Variants in DNAH5 observed in about 807,000 individuals in gnomAD.
DNAH5 encodes the protein dynein axonemal heavy chain 5, also known as axonemal beta dynein heavy chain 5.
A neutral mutation model predicts 518.2 loss-of-function variants in DNAH5; 372 were observed. That is an observed-to-expected ratio of 0.72 (90% CI 0.66 to 0.78). The LOEUF (loss-of-function observed/expected upper bound fraction) is 0.78, where lower values mean the gene tolerates loss of function less well. DNAH5 is among the 30% of genes least tolerant of loss of function. The probability of loss-of-function intolerance (pLI) is 0.00; values close to 1 mark genes in which losing one functional copy is unlikely to be tolerated. For synonymous variants in DNAH5, 2,039 were observed against 2,025.9 expected, an observed-to-expected ratio of 1.01 and a Z score of -0.17; for missense variants, 5,523 against 5,687.0, an observed-to-expected ratio of 0.97 and a Z score of 0.93.
chr5:13,923,184 T>C lies in DNAH5; in HGVS notation c.438+96A>G, dbSNP rs113684600. On this transcript the variant is annotated intron_variant, in intron 4 of 78. Coordinates refer to ENST00000265104, the MANE Select transcript of DNAH5 (RefSeq NM_001369.3). ...TCTCTGAAAGTAGTTTTAGATACTGTAGTGAATACAATGATTGTCTCCACC... is the reference window on the plus strand; with the variant it reads ...TCTCTGAAAGTAGTTTTAGATACTGCAGTGAATACAATGATTGTCTCCACC... The C allele has an allele frequency of 2.4e-4, 350 of 1,488,072 alleles. 3 individuals are homozygous for C. In the African/African-American group the frequency reaches 4.2e-3, roughly 18 times the overall value. The allele number at this position is 1,488,072 out of a possible 1,614,324, so 92.2% of individuals were successfully genotyped here.
At chr5:13,708,836 A>G (rs1170798395) in intron 75 of DNAH5, among the ~76,000 whole-genome samples, 1 of 152,214 alleles carries the variant, frequency 6.6e-6, no homozygotes. Flanking sequence ...ATTTATTGAG[A>G]GTCTTCTATG....
chr5:13,784,135 TTAACA>T (rs1755616366), intron 52 of DNAH5, among the ~76,000 whole-genome samples: 1 of 152,164 alleles, frequency 6.6e-6, no homozygotes, highest in Non-Finnish European at 1.5e-5. Flanking sequence ...AGCACGACAC[TTAACA>T]TAAATAACTG....
intron 50 of DNAH5, among the ~76,000 whole-genome samples, chr5:13,790,246 G>A (rs984683396): frequency 2.6e-5 from 4 of 152,136 alleles, no homozygotes; most frequent in East Asian, 3.9e-4. Flanking sequence ...GCACATGCAC[G>A]TGAATGTTCA....
intron 68 of DNAH5, among the ~76,000 whole-genome samples, chr5:13,733,012 T>C (rs893541071): frequency 1.3e-5 from 2 of 152,110 alleles, no homozygotes; most frequent in African/African-American, 4.8e-5. Flanking sequence ...CAAAGACCCA[T>C]GACAACCAGT....
chr5:13,735,821 G>A lies in DNAH5; in HGVS notation c.11567C>T (p.Ala3856Val). Reference protein sequence around the residue: ...QFLGLFDLSLARSVKSPITSK... With the variant: ...QFLGLFDLSLVRSVKSPITSK... ...GGCTTCCCGCGTACAGACGTACCTG[G>A]CTAAGGAAAGGTCAAATAAGCCCAG... The change falls in exon 67 of 79, where the codon GCC becomes GTC. Residue 3856 changes from alanine (A) to valine (V), a missense_variant. Ala to Val is a moderately conservative substitution (Grantham distance 64). This residue lies in a region of DNAH5 where 5,121 missense variants were observed against 5,223.3 expected (regional missense o/e 0.98). Transcript: ENST00000265104. 6.2e-7 allele frequency: 1 copy of A among 1,613,448 alleles called. No homozygotes were observed. Among genetic ancestry groups the A allele is most frequent in the South Asian group, 1.1e-5 (1 of 91,072 alleles).
chr5:13,906,210 T>C (rs1177899501), intron 12 of DNAH5, among the ~76,000 whole-genome samples: 2 of 152,192 alleles, frequency 1.3e-5, no homozygotes, highest in Non-Finnish European at 2.9e-5. Flanking sequence ...TCCAAACCCA[T>C]AGAATGTATA....
rs138968139 is a variant in DNAH5 at position 13,766,082 on chromosome 5, C to T, written c.9995G>A (p.Arg3332Lys). 5.4e-5 allele frequency: 87 copies of T among 1,614,068 alleles called. No homozygotes were observed. The African/African-American group carries it at 1.1e-3, about 20-fold the overall frequency. Reference protein sequence around the residue: ...IMDCVLLLFQRKVSAVKIDLE... With the variant: ...IMDCVLLLFQKKVSAVKIDLE... Reference sequence around the variant, plus strand: ...GTCAATTTTCACAGCACTGACTTTCCTTTGAAACAGCAGCAGTACGCAATC... The same window carrying T: ...GTCAATTTTCACAGCACTGACTTTCTTTTGAAACAGCAGCAGTACGCAATC... Residue 3332 changes from arginine to lysine, a missense_variant, in exon 59 of 79, where the codon AGG (arginine) becomes AAG (lysine). Transcript: ENST00000265104.
At chr5:13,863,630 T>C (rs1489061993) in intron 28 of DNAH5, among the ~76,000 whole-genome samples, 1 of 152,086 alleles carries the variant, frequency 6.6e-6, no homozygotes, top group Non-Finnish European at 1.5e-5. Context: ...ACTTCCCCTC[T>C]CATCTAACAA....
chr5:14,001,284 T>TAAAAAATAAAAG (rs1299620960), intron 1 of DNAH5, among the ~76,000 whole-genome samples: 3 of 152,206 alleles, frequency 2.0e-5, no homozygotes, highest in African/African-American at 4.8e-5. Flanking sequence ...TATCCCCTAA[T>TAAAAAATAAAAG]TCTAAAATAA....
At position 13,931,103 on chromosome 5, in the gene DNAH5, A is replaced by T. The variant is rs1210630945; in HGVS notation, c.192+7T>A. 6.2e-6 allele frequency: 10 copies of T among 1,613,938 alleles called. No individual in the cohort carries two copies. The highest frequency in any genetic ancestry group is 1.6e-4 in the Middle Eastern group (1 of 6,082). On this transcript the variant is annotated splice_region_variant and intron_variant, in intron 2 of 78. Transcript: ENST00000265104. ...ATCAAGTCAGTGAGAAGTGAAACGCATCCCACCTGATTCCCTTCAAGAATG... is the reference window on the plus strand; with the variant it reads ...ATCAAGTCAGTGAGAAGTGAAACGCTTCCCACCTGATTCCCTTCAAGAATG...
intron 1 of DNAH5, among the ~76,000 whole-genome samples, chr5:13,973,939 T>C (rs977626006): frequency 6.6e-6 from 1 of 152,126 alleles, no homozygotes; most frequent in Non-Finnish European, 1.5e-5. Flanking sequence ...CTCTTCTTAT[T>C]GGTACATGTG....
chr5:13,911,599 AT>A, intron 11 of DNAH5, 106 bp from the exon 12 acceptor site: 15 of 917,604 alleles, frequency 1.6e-5, no homozygotes, highest in Admixed American at 2.3e-5. Context: ...CAGAAAAAAA[AT>A]AAGTTTAAAG....
chr5:13,921,523 G>A (rs910881224), intron 5 of DNAH5, among the ~76,000 whole-genome samples: 6 of 117,294 alleles, frequency 5.1e-5, no homozygotes, highest in East Asian at 2.7e-4. Flanking sequence ...ACACACAAGC[G>A]TACATCCATC....
chr5:13,739,539 T>G (rs1036459413), intron 65 of DNAH5, among the ~76,000 whole-genome samples: 1 of 152,126 alleles, frequency 6.6e-6, no homozygotes, highest in African/African-American at 2.4e-5. Flanking sequence ...TTCATACCAG[T>G]GAGAGAATGG....
At chr5:13,823,395 G>A in intron 39 of DNAH5, 25 bp from the exon 40 acceptor site, 1 of 1,471,944 alleles carries the variant, frequency 6.8e-7, no homozygotes, top group Non-Finnish European at 9.5e-7. Flanking sequence ...TGGGAAATCA[G>A]ACCAATTATT....
At chr5:13,947,157 C>CA (rs1289976067), upstream of DNAH5, among the ~76,000 whole-genome samples, 1 of 152,112 alleles carries the variant, frequency 6.6e-6, no homozygotes, top group Non-Finnish European at 1.5e-5. Flanking sequence ...TAAAATGTTA[C>CA]AAATTTTGAT....
At chr5:13,698,184 T>G (rs960371189) in intron 78 of DNAH5, among the ~76,000 whole-genome samples, 2 of 152,182 alleles carry the variant, frequency 1.3e-5, no homozygotes, top group Non-Finnish European at 2.9e-5. Context: ...GCCCTTGGAC[T>G]TCCCAGCCTC....
At chr5:14,001,420 G>A (rs1166238101) in intron 1 of DNAH5, among the ~76,000 whole-genome samples, 3 of 152,196 alleles carry the variant, frequency 2.0e-5, no homozygotes, top group Non-Finnish European at 4.4e-5. Flanking sequence ...CTGGAGTGCA[G>A]TGGTGTGATC....
rs1361024352 is a variant in DNAH5 at position 13,867,794 on chromosome 5, A to G, written c.4033T>C (p.Phe1345Leu). 6.2e-7 allele frequency: 1 copy of G among 1,613,848 alleles called. No homozygotes were observed. The highest frequency in any genetic ancestry group is 1.3e-5 in the African/African-American group (1 of 75,000). ...VEVFLQDCHQ[F>L]YLDYDLNGPM... ...CATACCAAATCATAGTCCAGATAAA[A>G]CTGGTGACAATCTTGGAGGAATACC... Residue 1345 changes from phenylalanine (F) to leucine (L), a missense_variant, in exon 25 of 79, where the codon TTT becomes CTT. Coordinates refer to ENST00000265104, the MANE Select transcript of DNAH5 (RefSeq NM_001369.3).
Sources: gnomAD v4.1 joint callset for allele counts (sites outside exome capture counted in the v4.1 genomes callset) on GRCh38, gnomAD v4.1.1 for gene constraint, gnomAD v4.1.1 regional missense constraint, MANE v1.5 for transcripts, NCBI Gene and HGNC (gene_info 2026-07-23, HGNC 2026-07-21) for gene names.